CATSPERD: variants seen among roughly 807,000 people sequenced by gnomAD.
CATSPERD encodes the protein catsper channel auxiliary subunit delta.
CATSPERD carries 86 observed loss-of-function variants against 98.1 expected under a neutral mutation model. That is an observed-to-expected ratio of 0.88 (90% CI 0.74 to 1.05). The LOEUF (loss-of-function observed/expected upper bound fraction) is 1.05, where lower values mean the gene tolerates loss of function less well. Ranked by LOEUF, CATSPERD falls within the 50% of genes least tolerant of loss-of-function variation. The probability of loss-of-function intolerance (pLI) is 0.00; values close to 1 mark genes in which losing one functional copy is unlikely to be tolerated. For synonymous variants in CATSPERD, 394 were observed against 390.2 expected (o/e 1.01, Z -0.12); for missense variants, 995 against 1,005.7 (o/e 0.99, Z 0.14).
intron 5 of CATSPERD, among the ~76,000 whole-genome samples, chr19:5,735,305 T>C (rs1334722548): frequency 6.6e-6 from 1 of 151,660 alleles, no homozygotes; most frequent in Non-Finnish European, 1.5e-5. Context: ...GCCTGGCTAA[T>C]TTTTTGTTTG....
rs1213502060 is a variant in CATSPERD at position 5,744,345 on chromosome 19, T to A, written c.574-82T>A. The A allele has an allele frequency of 4.3e-6, 5 of 1,174,134 alleles. No homozygotes were observed. The East Asian group carries it at 9.8e-5, about 23-fold the overall frequency. 72.7% of individuals were successfully genotyped at this position (1,174,134 alleles called of 1,614,324 possible). A position where few individuals can be genotyped will look rare whatever the true frequency, so the allele number is the denominator to read the frequency against. On this transcript the variant is annotated intron_variant, in intron 7 of 21. Coordinates refer to ENST00000381624, the MANE Select transcript of CATSPERD (RefSeq NM_152784.4). ...AAAAAGACTTTCCTTCATTGTAACT[T>A]ATTAGATAATCTGAAGTTAAACCGA...
chr19:5,755,207 G>T (rs1480618671), intron 13 of CATSPERD, among the ~76,000 whole-genome samples: 1 of 151,926 alleles, frequency 6.6e-6, no homozygotes, highest in Non-Finnish European at 1.5e-5. Flanking sequence ...GACCCCTATG[G>T]CCTTCCCCCA....
chr19:5,725,087 G>A (rs760877384), intron 2 of CATSPERD, among the ~76,000 whole-genome samples: 41 of 152,194 alleles, frequency 2.7e-4, no homozygotes, highest in Non-Finnish European at 7.3e-5. Context: ...CCAAGAGGAA[G>A]AAGTGGGAAT....
intron 5 of CATSPERD, 100 bp from the exon 6 acceptor site, chr19:5,737,038 C>T: frequency 1.5e-6 from 1 of 674,212 alleles, no homozygotes; most frequent in East Asian, 3.2e-5. Flanking sequence ...GCCTGGGCGA[C>T]AGAGCAAGAC....
At chr19:5,748,075 C>A in intron 9 of CATSPERD, 85 bp from the exon 10 acceptor site, 2 of 1,087,318 alleles carry the variant, frequency 1.8e-6, no homozygotes, top group Non-Finnish European at 2.8e-6. Flanking sequence ...TGGGTGGTGG[C>A]AGGGGTGGCT....
intron 16 of CATSPERD, 78 bp from the exon 17 acceptor site, chr19:5,766,025 G>A: frequency 9.4e-7 from 1 of 1,064,640 alleles, no homozygotes; most frequent in South Asian, 1.5e-5. Context: ...CCACAGGAGT[G>A]TGTCCCTGTA....
intron 13 of CATSPERD, among the ~76,000 whole-genome samples, chr19:5,754,908 G>C (rs567862284): frequency 6.7e-6 from 1 of 149,014 alleles, no homozygotes; most frequent in Non-Finnish European, 1.5e-5. Context: ...GCAATGGCAC[G>C]ATCTCGGCTC....
At chr19:5,746,685 G>A (rs1300545829) in intron 9 of CATSPERD, among the ~76,000 whole-genome samples, 1 of 151,938 alleles carries the variant, frequency 6.6e-6, no homozygotes, top group Non-Finnish European at 1.5e-5. Flanking sequence ...CACCTGCCTC[G>A]GCCTCCCAAA....
intron 1 of CATSPERD, among the ~76,000 whole-genome samples, chr19:5,723,141 C>A (rs1285521068): frequency 1.4e-5 from 2 of 146,338 alleles, no homozygotes; most frequent in Admixed American, 1.4e-4. Flanking sequence ...GAGCTGAGAT[C>A]GCGCCACTGC....
chr19:5,739,748 G>A (rs1250448745), intron 7 of CATSPERD, among the ~76,000 whole-genome samples: 5 of 151,712 alleles, frequency 3.3e-5, no homozygotes, highest in Non-Finnish European at 5.9e-5. Context: ...GCTGAGGTGG[G>A]AGGGTCACTG....
At position 5,775,535 on chromosome 19, in the gene CATSPERD, G is replaced by C. The variant is rs186818229; in HGVS notation, c.1942-626G>C. Among the ~76,000 whole-genome samples the C allele has an allele frequency of 2.1e-4, 31 of 150,338 alleles. No individual in the cohort carries two copies. The East Asian group carries it at 5.9e-3, about 29-fold the overall frequency. ...ACGGTGGCGGGCACCTGTAGTCCCA[G>C]CTACTCGGGAGGCTGAGGCAGGAGA... is the stretch of plus-strand genomic sequence containing the variant. On this transcript the variant is annotated intron_variant, in intron 20 of 21. Transcript: ENST00000381624.
At chr19:5,775,862 C>T (rs1273980228) in intron 20 of CATSPERD, among the ~76,000 whole-genome samples, 1 of 152,092 alleles carries the variant, frequency 6.6e-6, no homozygotes, top group Non-Finnish European at 1.5e-5. Context: ...CAACATTCTG[C>T]TTTTATGAGA....
In CATSPERD at chr19:5,778,546, A is replaced by C; in HGVS notation, c.2267A>C (p.Lys756Thr). The C allele has an allele frequency of 3.1e-6, 5 of 1,613,998 alleles. No homozygotes were observed. Among genetic ancestry groups the C allele is most frequent in the East Asian group, 2.2e-5 (1 of 44,858 alleles). ...CGCACAGCACGCGGCCGCAGGATCAAGAAGTGTGCGACACAGCTGTGTAGG... is the reference window on the plus strand; with the variant it reads ...CGCACAGCACGCGGCCGCAGGATCACGAAGTGTGCGACACAGCTGTGTAGG... ...LLRTARGRRI[K>T]KCATQLCRRC... The change falls in exon 22 of 22, where the codon AAG becomes ACG. Residue 756 changes from lysine to threonine, a missense_variant. Transcript: ENST00000381624.
chr19:5,748,986 T>C, intron 10 of CATSPERD, 115 bp from the exon 11 acceptor site: 1 of 742,400 alleles, frequency 1.3e-6, no homozygotes, highest in Admixed American at 2.5e-5. Context: ...CCCCTCGGCC[T>C]CTCAAAGTGT....
At chr19:5,775,566 A>G (rs1476120089) in intron 20 of CATSPERD, among the ~76,000 whole-genome samples, 4 of 148,674 alleles carry the variant, frequency 2.7e-5, no homozygotes, top group Non-Finnish European at 5.9e-5. Flanking sequence ...GGAGAATTGC[A>G]TGCATCCGGG....
chr19:5,729,004 ATCTC>A (rs148496575), intron 3 of CATSPERD, among the ~76,000 whole-genome samples: 2 of 145,416 alleles, frequency 1.4e-5, no homozygotes, highest in African/African-American at 5.1e-5. Flanking sequence ...CTGGCCATCC[ATCTC>A]TCTCTCTCTC....
Position 5,739,309 on chromosome 19 carries a change from C to CTTTT in CATSPERD, c.460-8_460-5dup. The CTTTT allele has an allele frequency of 2.8e-6, 3 of 1,074,438 alleles. No individual in the cohort carries two copies. Among genetic ancestry groups the CTTTT allele is most frequent in the Admixed American group, 2.2e-5 (1 of 46,178 alleles). 66.6% of individuals were successfully genotyped at this position (1,074,438 alleles called of 1,614,324 possible). On this transcript the variant is annotated splice_polypyrimidine_tract_variant and intron_variant, in intron 6 of 21. Coordinates refer to ENST00000381624, the MANE Select transcript of CATSPERD (RefSeq NM_152784.4). The stretch of plus-strand genomic sequence containing the variant: ...GGCATCTTTCTTTCATTCTTTCTTT[C>CTTTT]TTTTTTTTTTTTATAGCATGTCAGT...
chr19:5,762,058 A>ATATT, intron 15 of CATSPERD, among the ~76,000 whole-genome samples: 1 of 10,442 alleles, frequency 9.6e-5, no homozygotes, highest in African/African-American at 3.3e-4. Flanking sequence ...ATATATATAT[A>ATATT]TTTTTTTTTT....
chr19:5,743,364 G>A (rs1421714926), intron 7 of CATSPERD, among the ~76,000 whole-genome samples: 2 of 151,462 alleles, frequency 1.3e-5, no homozygotes, highest in Non-Finnish European at 1.5e-5. Context: ...TTGGGAGGCC[G>A]AGGTGGGCGG....
Sources: gnomAD v4.1 joint callset for allele counts (sites outside exome capture counted in the v4.1 genomes callset) on GRCh38, gnomAD v4.1.1 for gene constraint, MANE v1.5 for transcripts, NCBI Gene and HGNC (gene_info 2026-07-23, HGNC 2026-07-21) for gene names.